Variants in PTGER4 observed in about 807,000 individuals in gnomAD.
The protein encoded by PTGER4 is prostaglandin E2 receptor EP4 subtype.
Under a neutral mutation model 33.2 loss-of-function variants are expected in PTGER4, and 11 were observed. The ratio of observed to expected loss-of-function variants is 0.33; its 90% CI spans 0.21 to 0.55. The LOEUF is 0.55. PTGER4 is among the 20% of genes least tolerant of loss of function. The pLI is 0.92. For missense variants in PTGER4, 481 were observed against 650.2 expected (o/e 0.74, Z 2.83); for synonymous variants, 275 against 281.5 (o/e 0.98, Z 0.23).
the PTGER4 span, chr5:40,714,479 G>GA: frequency 3.9e-5 from 6 of 152,006 alleles, no homozygotes; most frequent in African/African-American, 1.4e-4. Context: ...TCAAAATGCA[G>GA]AAAAAAACTA....
the PTGER4 span, among the ~76,000 whole-genome samples, chr5:40,723,818 T>C: frequency 6.6e-6 from 1 of 151,240 alleles, no homozygotes; most frequent in Non-Finnish European, 1.5e-5. Context: ...TGAGCCGAGA[T>C]CACACCACTG....
At chr5:40,739,596 C>T in the PTGER4 span, among the ~76,000 whole-genome samples, 1 of 152,162 alleles carries the variant, frequency 6.6e-6, no homozygotes, top group African/African-American at 2.4e-5. Flanking sequence ...CCTCCTGCTC[C>T]AGCCATGTGA....
chr5:40,732,647 T>C, the PTGER4 span, among the ~76,000 whole-genome samples: 22 of 151,984 alleles, frequency 1.4e-4, no homozygotes, highest in Non-Finnish European at 2.8e-4. Context: ...TCACCCAGGC[T>C]GGAGTACATG....
the PTGER4 span, among the ~76,000 whole-genome samples, chr5:40,739,944 T>TTA: frequency 6.6e-6 from 1 of 151,926 alleles, no homozygotes; most frequent in East Asian, 1.9e-4. Context: ...TGCTTTTTTT[T>TTA]AAAAATAAAG....
the PTGER4 span, among the ~76,000 whole-genome samples, chr5:40,737,528 T>C: frequency 5.9e-5 from 9 of 152,290 alleles, no homozygotes; most frequent in Admixed American, 1.3e-4. Context: ...GAAACGAATA[T>C]AGAATTATTT....
At chr5:40,701,988 C>T in the PTGER4 span, among the ~76,000 whole-genome samples, 1 of 152,126 alleles carries the variant, frequency 6.6e-6, no homozygotes, top group Non-Finnish European at 1.5e-5. Context: ...TGTTGAGGGA[C>T]TTCATTTCCA....
In PTGER4 at chr5:40,691,243, G is replaced by A. The variant is rs1741462101; in HGVS notation, c.868-536G>A. Among the ~76,000 whole-genome samples, 1 of 152,014 alleles carries A rather than the reference G, an allele frequency of 6.6e-6. No homozygotes were observed. Among genetic ancestry groups the A allele is most frequent in the Non-Finnish European group, 1.5e-5 (1 of 67,976 alleles). ...TGTCGCCAGGCTGGAGTGCAGTGGTGGGATCTCAGCTCACTGCAACCTCCG... is the reference window on the plus strand; with the variant it reads ...TGTCGCCAGGCTGGAGTGCAGTGGTAGGATCTCAGCTCACTGCAACCTCCG... On this transcript the variant is annotated intron_variant, in intron 2 of 2. Coordinates refer to ENST00000302472, the MANE Select transcript of PTGER4 (RefSeq NM_000958.3). The surrounding 1 kb of genome is among the most constrained non-coding windows in gnomAD (Gnocchi z 4.2).
At chr5:40,744,767 A>G in the PTGER4 span, among the ~76,000 whole-genome samples, 1 of 152,128 alleles carries the variant, frequency 6.6e-6, no homozygotes, top group Non-Finnish European at 1.5e-5. Flanking sequence ...TTTCTAATAT[A>G]TTTTCTTCAC....
the PTGER4 span, among the ~76,000 whole-genome samples, chr5:40,734,317 GA>G: frequency 2.7e-5 from 2 of 75,456 alleles, no homozygotes; most frequent in African/African-American, 1.1e-4. Context: ...CTTCAGTTTG[GA>G]ACAGACTGAA....
the PTGER4 span, among the ~76,000 whole-genome samples, chr5:40,725,737 C>T: frequency 2.7e-4 from 41 of 151,960 alleles, no homozygotes; most frequent in African/African-American, 5.8e-4. Flanking sequence ...CTCACCATCC[C>T]CATTCCCTCA....
chr5:40,733,226 T>C, the PTGER4 span, among the ~76,000 whole-genome samples: 6 of 152,262 alleles, frequency 3.9e-5, no homozygotes, highest in East Asian at 1.9e-4. Flanking sequence ...ACCTGGATGT[T>C]TGAGGTTTCA....
the PTGER4 span, among the ~76,000 whole-genome samples, chr5:40,708,877 C>T: frequency 2.1e-4 from 32 of 152,134 alleles, no homozygotes; most frequent in South Asian, 4.1e-3. Flanking sequence ...GCTGGTTCAA[C>T]ATATGCAAAT....
chr5:40,695,784 G>A (rs1741574902), downstream of PTGER4, among the ~76,000 whole-genome samples: 1 of 152,152 alleles, frequency 6.6e-6, no homozygotes, highest in African/African-American at 2.4e-5. Flanking sequence ...TGAACCAATA[G>A]AATGAAGGTA....
the PTGER4 span, among the ~76,000 whole-genome samples, chr5:40,716,848 A>C: frequency 6.6e-6 from 1 of 152,242 alleles, no homozygotes; most frequent in South Asian, 2.1e-4. Context: ...CAAAGGTACC[A>C]GGAGTGGATA....
chr5:40,691,214 G>A lies in PTGER4; in HGVS notation c.868-565G>A, dbSNP rs1378932299. On this transcript the variant is annotated intron_variant, in intron 2 of 2. Coordinates refer to ENST00000302472, the MANE Select transcript of PTGER4 (RefSeq NM_000958.3). The surrounding 1 kb of genome is among the most constrained non-coding windows in gnomAD (Gnocchi z 4.2). ...TTTTGTTTTTTTGAGACGGAGTCTC[G>A]CTCTGTCGCCAGGCTGGAGTGCAGT... Among the ~76,000 whole-genome samples, 11 of 151,218 alleles carry A rather than the reference G, an allele frequency of 7.3e-5. No homozygotes were observed. The South Asian group carries it at 1.0e-3, about 14-fold the overall frequency.
the PTGER4 span, among the ~76,000 whole-genome samples, chr5:40,699,228 TATAA>T: frequency 4.8e-4 from 73 of 151,766 alleles, no homozygotes; most frequent in African/African-American, 1.7e-3. Flanking sequence ...AGTCACAGAT[TATAA>T]AGGATGAAAA....
In PTGER4 at chr5:40,681,161, G is replaced by T; in HGVS notation, c.168G>T (p.Thr56=). 6.2e-7 allele frequency: 1 copy of T among 1,614,168 alleles called. No homozygotes were observed. The highest frequency in any genetic ancestry group is 1.1e-5 in the South Asian group (1 of 91,080). ...RKEQKETTFY[T]LVCGLAVTDL... ...AGCAGAAGGAGACGACCTTCTACACGCTGGTATGTGGGCTGGCTGTCACCG... is the reference window on the plus strand; with the variant it reads ...AGCAGAAGGAGACGACCTTCTACACTCTGGTATGTGGGCTGGCTGTCACCG... The change falls in exon 2 of 3, where the codon ACG becomes ACT. Residue 56 remains threonine (T), a synonymous_variant. Transcript: ENST00000302472. This position sits in a 1 kb window ranked among gnomAD's most constrained non-coding sequence, Gnocchi z 9.8.
the PTGER4 span, chr5:40,715,049 C>T: frequency 6.6e-6 from 1 of 152,124 alleles, no homozygotes; most frequent in East Asian, 1.9e-4. Flanking sequence ...CCTTTTCATA[C>T]TCATGAGATT....
intron 2 of PTGER4, among the ~76,000 whole-genome samples, chr5:40,690,418 C>G (rs1741439256): frequency 6.6e-6 from 1 of 152,234 alleles, no homozygotes; most frequent in Non-Finnish European, 1.5e-5. Flanking sequence ...TACACAAATT[C>G]ATGCTCCATT....
Sources: allele counts gnomAD v4.1 joint callset (sites outside exome capture counted in the v4.1 genomes callset), GRCh38; gene constraint gnomAD v4.1.1; non-coding constraint Gnocchi (gnomAD v3.1); transcripts MANE v1.5; gene names NCBI Gene and HGNC (gene_info 2026-07-23, HGNC 2026-07-21).